SLC7A7: variants seen among roughly 807,000 people sequenced by gnomAD.
SLC7A7 encodes Y+L amino acid transporter 1.
SLC7A7 carries 39 observed loss-of-function variants against 47.9 expected under a neutral mutation model. The observed-to-expected ratio is 0.81, with a 90% CI of 0.63 to 1.06. The LOEUF is 1.06. SLC7A7 is among the 50% of genes least tolerant of loss of function. The probability of loss-of-function intolerance (pLI) is 0.00; values close to 1 mark genes in which losing one functional copy is unlikely to be tolerated. For synonymous variants in SLC7A7, 234 were observed against 242.8 expected, an observed-to-expected ratio of 0.96 and a Z score of 0.34; for missense variants, 588 against 632.0, an observed-to-expected ratio of 0.93 and a Z score of 0.75.
rs559653694 is a variant in SLC7A7, at chr14:22,795,062, T to G, written c.500-15011A>C. ...GTCAGGGAGTGGGAGTGATGAGTATTGTTTTCTTTCTTTCTTTTTTTTTTT... is the reference window on the plus strand; with the variant it reads ...GTCAGGGAGTGGGAGTGATGAGTATGGTTTTCTTTCTTTCTTTTTTTTTTT... On this transcript the variant is annotated intron_variant, in intron 2 of 9. Coordinates refer to ENST00000674313, the MANE Select transcript of SLC7A7 (RefSeq NM_003982.4). 4.0e-3 allele frequency among the ~76,000 whole-genome samples: 586 copies of G among 145,294 alleles called. 3 individuals are homozygous for G. Among genetic ancestry groups the G allele is most frequent in the African/African-American group, 0.014 (557 of 40,114 alleles).
chr14:22,776,460 CG>C, intron 4 of SLC7A7, 142 bp from the exon 5 acceptor site: 1 of 1,083,026 alleles, frequency 9.2e-7, no homozygotes, highest in Non-Finnish European at 1.4e-6. Context: ...TTGTCTTTGA[CG>C]GTGCCCTGGA....
intron 2 of SLC7A7, among the ~76,000 whole-genome samples, chr14:22,794,858 T>C (rs144787763): frequency 2.0e-5 from 3 of 152,066 alleles, no homozygotes; most frequent in African/African-American, 7.2e-5. Flanking sequence ...CATCGGCATG[T>C]TTTTAAAACT....
At chr14:22,817,292 G>C, upstream of SLC7A7, 1 of 258,704 alleles carries the variant, frequency 3.9e-6, no homozygotes, top group South Asian at 3.6e-5. Flanking sequence ...ATTACACCTG[G>C]CTAATTTTTG....
chr14:22,791,243 C>G (rs1446747204), intron 2 of SLC7A7, among the ~76,000 whole-genome samples: 1 of 152,122 alleles, frequency 6.6e-6, no homozygotes, highest in Non-Finnish European at 1.5e-5. Context: ...CACATCTCTC[C>G]CAATCCCTAT....
At chr14:22,781,008 A>G (rs1287753907) in intron 2 of SLC7A7, among the ~76,000 whole-genome samples, 1 of 151,468 alleles carries the variant, frequency 6.6e-6, no homozygotes, top group Non-Finnish European at 1.5e-5. Context: ...AATGTGGCCG[A>G]GAAGAAAGTT....
At chr14:22,787,293 G>A (rs995410822) in intron 2 of SLC7A7, among the ~76,000 whole-genome samples, 15 of 151,700 alleles carry the variant, frequency 9.9e-5, no homozygotes, top group Admixed American at 6.6e-4. Flanking sequence ...AAAATTATCC[G>A]GGTGTGGTGG....
In SLC7A7 at chr14:22,773,510, A is replaced by G. The variant is rs1255904294; in HGVS notation, c.*100T>C. ...GAAGCTGCCTAGGCCAGGCTTCTGG[A>G]CAGGTGCCTCCAAAGAAGTGAGCTT... On this transcript the variant is annotated 3_prime_UTR_variant, in exon 10 of 10. Coordinates refer to ENST00000674313, the MANE Select transcript of SLC7A7 (RefSeq NM_003982.4). The G allele has an allele frequency of 1.0e-6, 1 of 977,438 alleles. No individual in the cohort carries two copies. Among genetic ancestry groups the G allele is most frequent in the Non-Finnish European group, 1.6e-6 (1 of 610,930 alleles). The allele number at this position is 977,438 out of a possible 1,614,324, so 60.5% of individuals were successfully genotyped here.
chr14:22,792,980 G>A (rs113288650), intron 2 of SLC7A7, among the ~76,000 whole-genome samples: 12,850 of 147,308 alleles, frequency 0.087, 697 homozygotes, highest in African/African-American at 0.15. Context: ...GCAGTGGTGC[G>A]ATCTTGGCTC....
intron 2 of SLC7A7, among the ~76,000 whole-genome samples, chr14:22,806,707 G>A (rs954210966): frequency 1.3e-5 from 2 of 151,954 alleles, no homozygotes; most frequent in African/African-American, 2.4e-5. Context: ...AGGCCAAAGC[G>A]GCAAAAGCAC....
intron 4 of SLC7A7, among the ~76,000 whole-genome samples, chr14:22,776,661 T>C (rs904893662): frequency 3.3e-5 from 5 of 152,024 alleles, no homozygotes; most frequent in Admixed American, 6.6e-5. Context: ...GGCAAAACCC[T>C]GTCTCTACAA....
intron 2 of SLC7A7, among the ~76,000 whole-genome samples, chr14:22,789,506 T>C (rs191238461): frequency 2.6e-5 from 4 of 151,474 alleles, no homozygotes; most frequent in Non-Finnish European, 5.9e-5. Context: ...TGGGTGCCTA[T>C]AATCCCAGCT....
At chr14:22,817,310 A>G, upstream of SLC7A7, 1 of 245,152 alleles carries the variant, frequency 4.1e-6, no homozygotes. Context: ...TTGTGTTTTT[A>G]TTTCGGTATT....
rs557458439 is a variant in SLC7A7, at chr14:22,788,582, T to C, written c.500-8531A>G. On this transcript the variant is annotated intron_variant, in intron 2 of 9. Transcript: ENST00000674313. ...AGCTGGGCGTGGTGGCGGGCACCTG[T>C]CATCCCAGCTACTCAGGAGGCTGAG... is the stretch of plus-strand genomic sequence containing the variant. Among the ~76,000 whole-genome samples, 884 of 151,792 alleles carry C rather than the reference T, an allele frequency of 5.8e-3. 7 individuals carry two copies. Among genetic ancestry groups the C allele is most frequent in the African/African-American group, 0.02 (842 of 41,400 alleles).
At chr14:22,803,578 CA>C (rs1456357346) in intron 2 of SLC7A7, among the ~76,000 whole-genome samples, 1 of 152,144 alleles carries the variant, frequency 6.6e-6, no homozygotes, top group African/African-American at 2.4e-5. Flanking sequence ...GAAACAAATA[CA>C]AAATCCCTGA....
At chr14:22,811,065 A>G (rs2039298517) in intron 2 of SLC7A7, among the ~76,000 whole-genome samples, 1 of 152,208 alleles carries the variant, frequency 6.6e-6, no homozygotes, top group Admixed American at 6.5e-5. Context: ...ATGTATGACA[A>G]ACATCCCATA....
upstream of SLC7A7, chr14:22,819,744 A>G (rs17122776): frequency 0.16 from 24,393 of 152,450 alleles, 2,374 homozygotes; most frequent in South Asian, 0.25. Context: ...TCATGCTGCA[A>G]CAGCTGTTGA....
intron 5 of SLC7A7, 76 bp from the exon 6 acceptor site, chr14:22,776,012 T>C: frequency 7.0e-7 from 1 of 1,425,290 alleles, no homozygotes; most frequent in Admixed American, 1.7e-5. Flanking sequence ...GCCCCCAGAT[T>C]CCCCTTATTA....
intron 2 of SLC7A7, among the ~76,000 whole-genome samples, chr14:22,795,076 CTTTTTTTTTTT>C (rs3076435): frequency 2.0e-5 from 2 of 97,606 alleles, no homozygotes; most frequent in South Asian, 3.8e-4. Flanking sequence ...TTCTTTCTTT[CTTTTTTTTTTT>C]TTTTTTTTTT....
intron 4 of SLC7A7, 152 bp downstream of exon 4, chr14:22,778,641 A>G (rs2038659342): frequency 1.3e-6 from 1 of 741,646 alleles, no homozygotes; most frequent in South Asian, 1.9e-5. Flanking sequence ...ATCATAGACA[A>G]GTTACTTCTC....
Sources: allele counts gnomAD v4.1 joint callset (sites outside exome capture counted in the v4.1 genomes callset), GRCh38; gene constraint gnomAD v4.1.1; transcripts MANE v1.5; gene names NCBI Gene and HGNC (gene_info 2026-07-23, HGNC 2026-07-21).